The following AFF3 variants were observed in gnomAD, a reference collection of about 807,000 sequenced individuals.
The protein encoded by AFF3 is AF4/FMR2 family member 3.
In AFF3, 32 loss-of-function variants were observed where a neutral mutation model predicts 129.7. The observed-to-expected ratio is 0.25, with a 90% CI of 0.19 to 0.33. The LOEUF (loss-of-function observed/expected upper bound fraction) is 0.33. Ranked by LOEUF, AFF3 falls within the 10% of genes least tolerant of loss-of-function variation. The pLI is 1.00. For synonymous variants in AFF3, 644 were observed against 635.4 expected (o/e 1.01, Z -0.20); for missense variants, 1,373 against 1,592.0 (o/e 0.86, Z 2.34).
chr2:99,655,688 ATG>A (rs1685684673), intron 12 of AFF3, among the ~76,000 whole-genome samples: 1 of 152,176 alleles, frequency 6.6e-6, no homozygotes, highest in African/African-American at 2.4e-5. Context: ...TGGGTGAAGC[ATG>A]CATGGGGCTT....
At chr2:100,130,686 G>A (rs1692394900) in intron 1 of AFF3, among the ~76,000 whole-genome samples, 1 of 152,152 alleles carries the variant, frequency 6.6e-6, no homozygotes, top group Non-Finnish European at 1.5e-5. Context: ...CTTTTAGGAG[G>A]TTTGTGAGCA....
chr2:99,794,572 T>G (rs1345674850), intron 8 of AFF3, among the ~76,000 whole-genome samples: 3 of 152,172 alleles, frequency 2.0e-5, no homozygotes, highest in African/African-American at 7.2e-5. Flanking sequence ...ATATTATGCA[T>G]GCAAGGATTA....
rs1392284251 is a variant in AFF3 at position 99,572,302 on chromosome 2, C to CG, written c.2919-3388_2919-3387insC. Among the ~76,000 whole-genome samples, 13 of 127,208 alleles carry CG rather than the reference C, an allele frequency of 1.0e-4. No homozygotes were observed. In the South Asian group the frequency reaches 2.4e-3, roughly 24 times the overall value. 83.5% of individuals were successfully genotyped at this position (127,208 alleles called of 152,430 possible). On this transcript the variant is annotated intron_variant, in intron 18 of 24. Coordinates refer to ENST00000672756, the MANE Select transcript of AFF3 (RefSeq NM_001386135.1). Reference sequence around the variant, plus strand: ...TCTTCCCCCTCCCACCACCCCCCCCCCCCCACCTAGAAACACACGGTCTTG... The same window carrying CG: ...TCTTCCCCCTCCCACCACCCCCCCCCGCCCCACCTAGAAACACACGGTCTTG...
chr2:99,630,567 C>T (rs1683033022), intron 13 of AFF3: 1 of 152,812 alleles, frequency 6.5e-6, no homozygotes, highest in Non-Finnish European at 1.5e-5. Context: ...AAGAAACTAC[C>T]TGAGAGTGAG....
At chr2:100,130,563 G>C (rs1245260686) in intron 1 of AFF3, among the ~76,000 whole-genome samples, 2 of 152,202 alleles carry the variant, frequency 1.3e-5, no homozygotes, top group Admixed American at 6.5e-5. Flanking sequence ...ATCACTGCCT[G>C]CCCAAATCTT....
intron 4 of AFF3, among the ~76,000 whole-genome samples, chr2:100,063,104 A>T (rs1277046108): frequency 2.0e-5 from 3 of 152,118 alleles, no homozygotes; most frequent in African/African-American, 4.8e-5. Flanking sequence ...TACAAAAATT[A>T]GCCAGGCGTG....
intron 7 of AFF3, among the ~76,000 whole-genome samples, chr2:99,929,256 G>A (rs961310920): frequency 2.0e-5 from 3 of 152,100 alleles, no homozygotes; most frequent in Non-Finnish European, 4.4e-5. Context: ...GAACCCAGGA[G>A]GCAGAGGTTG....
At chr2:99,811,095 G>C (rs144889290) in intron 8 of AFF3, among the ~76,000 whole-genome samples, 386 of 152,326 alleles carry the variant, frequency 2.5e-3, no homozygotes, top group African/African-American at 8.6e-3. Flanking sequence ...CTGCGGATTA[G>C]GACATGGGAG....
At position 99,597,249 on chromosome 2, in the gene AFF3, G is replaced by T. The variant is rs919946634; in HGVS notation, c.1372-2960C>A. 3.3e-5 allele frequency among the ~76,000 whole-genome samples: 5 copies of T among 152,276 alleles called. No homozygotes were observed. The Middle Eastern group carries it at 0.01, about 311-fold the overall frequency. ...GGCATAGCCTCGTGAAAGGGGGACC[G>T]CATTCCTTTGAGAAATGTCAGTCTT... On this transcript the variant is annotated intron_variant, in intron 14 of 24. Transcript: ENST00000672756.
At chr2:99,818,919 T>C (rs942430731) in intron 8 of AFF3, among the ~76,000 whole-genome samples, 7 of 152,148 alleles carry the variant, frequency 4.6e-5, no homozygotes, top group Non-Finnish European at 1.0e-4. Context: ...TTGACATAAA[T>C]GAACATAAAC....
At chr2:99,757,388 T>G (rs1408266125) in intron 8 of AFF3, among the ~76,000 whole-genome samples, 2 of 152,236 alleles carry the variant, frequency 1.3e-5, no homozygotes, top group Admixed American at 6.5e-5. Context: ...CTATTAACTC[T>G]TCAAGTCAGC....
At chr2:99,862,664 T>G (rs1211046206) in intron 7 of AFF3, among the ~76,000 whole-genome samples, 1 of 152,256 alleles carries the variant, frequency 6.6e-6, no homozygotes, top group African/African-American at 2.4e-5. Context: ...TAAGAACCAG[T>G]GTAAAACAAT....
At chr2:99,950,963 A>G (rs1306452655) in intron 7 of AFF3, among the ~76,000 whole-genome samples, 1 of 152,226 alleles carries the variant, frequency 6.6e-6, no homozygotes, top group Non-Finnish European at 1.5e-5. Context: ...TCCCTTTATC[A>G]AATTTGGTGT....
intron 8 of AFF3, among the ~76,000 whole-genome samples, chr2:99,796,383 T>C (rs1457784911): frequency 2.6e-5 from 4 of 152,306 alleles, no homozygotes; most frequent in Admixed American, 6.5e-5. Flanking sequence ...TATAAGAAAA[T>C]AGATTTTAAC....
chr2:99,674,710 T>C (rs1313945244), intron 11 of AFF3, among the ~76,000 whole-genome samples: 1 of 152,114 alleles, frequency 6.6e-6, no homozygotes, highest in African/African-American at 2.4e-5. Flanking sequence ...GGAAATTTAA[T>C]GTTTAAATGG....
chr2:99,661,205 C>T (rs539398027), intron 12 of AFF3, among the ~76,000 whole-genome samples: 1 of 152,168 alleles, frequency 6.6e-6, no homozygotes, highest in Non-Finnish European at 1.5e-5. Context: ...ATAACAATGT[C>T]CCCTGGAGGG....
intron 1 of AFF3, among the ~76,000 whole-genome samples, chr2:100,139,513 T>C (rs1041510459): frequency 7.9e-5 from 12 of 152,192 alleles, no homozygotes; most frequent in Non-Finnish European, 1.0e-4. Context: ...CTAGTTGTCT[T>C]GTATTCATTA....
At chr2:99,789,667 T>C (rs982713060) in intron 8 of AFF3, among the ~76,000 whole-genome samples, 6 of 152,046 alleles carry the variant, frequency 3.9e-5, no homozygotes, top group African/African-American at 1.4e-4. Context: ...GACTTTCATT[T>C]TGGAACTGCT....
Position 99,744,104 on chromosome 2 carries a change from T to C in AFF3, c.1039A>G (p.Lys347Glu). Residue 347 changes from lysine to glutamate, a missense_variant and splice_region_variant, in exon 10 of 25, where the codon AAG becomes GAG. By Grantham distance (56) the Lys-to-Glu change is moderately conservative (BLOSUM62 1). Coordinates refer to ENST00000672756, the MANE Select transcript of AFF3 (RefSeq NM_001386135.1). Reference protein sequence around the residue: ...QLVSSGHNNPKKGDAEPESPD... With the variant: ...QLVSSGHNNPEKGDAEPESPD... ...AACTCCAGAGCGAAGTCTTTCTTAC[T>C]TGGATTATTGTGTCCAGAGGATACA... is the stretch of plus-strand genomic sequence containing the variant. 6.3e-7 allele frequency: 1 copy of C among 1,592,752 alleles called. No homozygotes were observed. Among genetic ancestry groups the C allele is most frequent in the Non-Finnish European group, 8.6e-7 (1 of 1,168,162 alleles).
Sources: gnomAD v4.1 joint callset for allele counts (sites outside exome capture counted in the v4.1 genomes callset) on GRCh38, gnomAD v4.1.1 for gene constraint, MANE v1.5 for transcripts, NCBI Gene and HGNC (gene_info 2026-07-23, HGNC 2026-07-21) for gene names.